NRG3: variants seen among roughly 807,000 people sequenced by gnomAD.
NRG3 encodes the protein neuregulin 3.
In NRG3, 31 loss-of-function variants were observed where a neutral mutation model predicts 66.9. The ratio of observed to expected loss-of-function variants is 0.46; its 90% CI spans 0.35 to 0.63. The LOEUF (loss-of-function observed/expected upper bound fraction) is 0.63. NRG3 is among the 20% of genes least tolerant of loss of function. The pLI is 0.00. For missense variants in NRG3, 910 were observed against 878.9 expected (o/e 1.04, Z -0.45); for synonymous variants, 393 against 359.4 (o/e 1.09, Z -1.06).
chr10:82,891,210 T>A (rs894264354), intron 4 of NRG3, among the ~76,000 whole-genome samples: 4 of 151,590 alleles, frequency 2.6e-5, no homozygotes, highest in Non-Finnish European at 5.9e-5. Context: ...AATCTATAGA[T>A]GAGTTTGAAA....
Position 82,332,578 on chromosome 10 carries a change from CT to C in NRG3, c.824-26160del, listed in dbSNP as rs566831691. 3.9e-5 allele frequency among the ~76,000 whole-genome samples: 6 copies of C among 152,226 alleles called. No individual in the cohort carries two copies. In the South Asian group the frequency reaches 1.2e-3, roughly 32 times the overall value. On this transcript the variant is annotated intron_variant, in intron 1 of 8. Transcript: ENST00000372141. ...TTGTAATAATGGGGGATCCACCACC[CT>C]ACATGGCAGCCCTATGGTTAGATTT...
At chr10:82,693,134 A>G (rs549662972) in intron 2 of NRG3, among the ~76,000 whole-genome samples, 1 of 152,262 alleles carries the variant, frequency 6.6e-6, no homozygotes, top group East Asian at 1.9e-4. Context: ...AATTAGCCAC[A>G]TTCTACTTTG....
At chr10:82,208,577 A>T (rs2075244871) in intron 1 of NRG3, among the ~76,000 whole-genome samples, 1 of 152,024 alleles carries the variant, frequency 6.6e-6, no homozygotes, top group African/African-American at 2.4e-5. Context: ...ACAATGTTTG[A>T]GGAGCTCTGT....
intron 1 of NRG3, chr10:82,225,668 A>G (rs1364290845): frequency 6.6e-6 from 1 of 152,170 alleles, no homozygotes; most frequent in Non-Finnish European, 1.5e-5. Flanking sequence ...GAAAGAGATA[A>G]CTCATGTCCC....
chr10:82,609,674 A>G (rs767723112), intron 2 of NRG3, among the ~76,000 whole-genome samples: 11 of 152,136 alleles, frequency 7.2e-5, no homozygotes, highest in Non-Finnish European at 1.5e-4. Flanking sequence ...TGGTAATAGA[A>G]TTTTCATGAT....
chr10:82,194,686 T>C (rs1476674403), intron 1 of NRG3, among the ~76,000 whole-genome samples: 1 of 152,130 alleles, frequency 6.6e-6, no homozygotes, highest in African/African-American at 2.4e-5. Context: ...AGGGCACCGG[T>C]GGGAGGACTC....
intron 1 of NRG3, among the ~76,000 whole-genome samples, chr10:82,243,314 T>G (rs1227484034): frequency 6.6e-6 from 1 of 152,142 alleles, no homozygotes; most frequent in African/African-American, 2.4e-5. Flanking sequence ...AACATGATCA[T>G]TACTGATAAC....
intron 2 of NRG3, among the ~76,000 whole-genome samples, chr10:82,733,793 G>T (rs763411230): frequency 1.3e-5 from 2 of 152,186 alleles, no homozygotes; most frequent in Non-Finnish European, 2.9e-5. Flanking sequence ...TAAGGAGGCT[G>T]TTGATTACAA....
chr10:82,538,454 T>C (rs1048575069), intron 2 of NRG3, among the ~76,000 whole-genome samples: 3 of 152,196 alleles, frequency 2.0e-5, no homozygotes, highest in African/African-American at 7.2e-5. Context: ...GAGTTCTGTC[T>C]GCTTTTCCTT....
intron 1 of NRG3, among the ~76,000 whole-genome samples, chr10:82,291,338 TAAA>T (rs2079734936): frequency 6.6e-6 from 1 of 152,056 alleles, no homozygotes; most frequent in African/African-American, 2.4e-5. Flanking sequence ...ACAAAAGAAA[TAAA>T]AAACATCTTA....
Position 82,348,620 on chromosome 10 carries a change from G to T in NRG3, c.824-10119G>T, listed in dbSNP as rs1371030321. 4.1e-5 allele frequency among the ~76,000 whole-genome samples: 6 copies of T among 146,820 alleles called. No homozygotes were observed. In the East Asian group the frequency reaches 8.1e-4, roughly 20 times the overall value. ...CTGAATCTGAACGTTGGCCTGCCTT[G>T]CTAGATTGGGGAAGTTCTCCTGGAT... On this transcript the variant is annotated intron_variant, in intron 1 of 8. Coordinates refer to ENST00000372141, the MANE Select transcript of NRG3 (RefSeq NM_001010848.4).
At chr10:82,783,900 G>A (rs1267940940) in intron 3 of NRG3, among the ~76,000 whole-genome samples, 3 of 151,986 alleles carry the variant, frequency 2.0e-5, no homozygotes, top group African/African-American at 4.8e-5. Context: ...GCATCGCCAA[G>A]TCAATCCTAA....
intron 1 of NRG3, among the ~76,000 whole-genome samples, chr10:82,090,147 C>A (rs1322338749): frequency 2.0e-5 from 3 of 152,206 alleles, no homozygotes; most frequent in Non-Finnish European, 4.4e-5. Context: ...CGTTACCATG[C>A]AGATTGCTAT....
At chr10:82,798,169 C>G (rs1477509925) in intron 3 of NRG3, among the ~76,000 whole-genome samples, 2 of 151,950 alleles carry the variant, frequency 1.3e-5, no homozygotes, top group Non-Finnish European at 2.9e-5. Context: ...TGTAACATCA[C>G]AAAACCCACA....
At chr10:81,908,064 T>C (rs1844762222) in intron 1 of NRG3, among the ~76,000 whole-genome samples, 1 of 152,224 alleles carries the variant, frequency 6.6e-6, no homozygotes, top group South Asian at 2.1e-4. Context: ...CAGACTGATC[T>C]GCGCTCTCAT....
intron 3 of NRG3, among the ~76,000 whole-genome samples, chr10:82,768,605 A>T (rs537376995): frequency 4.6e-5 from 7 of 152,108 alleles, no homozygotes; most frequent in African/African-American, 1.7e-4. Context: ...AAAACAGATA[A>T]AATATTTGTC....
At chr10:82,506,277 T>C (rs1242995278) in intron 2 of NRG3, among the ~76,000 whole-genome samples, 1 of 152,086 alleles carries the variant, frequency 6.6e-6, no homozygotes, top group Admixed American at 6.5e-5. Flanking sequence ...AACAAGAGAC[T>C]TTGCGAGGAA....
chr10:82,646,336 C>G (rs1273473814), intron 2 of NRG3, among the ~76,000 whole-genome samples: 3 of 152,166 alleles, frequency 2.0e-5, no homozygotes, highest in African/African-American at 7.2e-5. Context: ...CATTTGCACT[C>G]AGCCATTTCT....
At chr10:81,900,583 C>T (rs1424061731) in intron 1 of NRG3, among the ~76,000 whole-genome samples, 1 of 152,154 alleles carries the variant, frequency 6.6e-6, no homozygotes, top group Admixed American at 6.5e-5. Flanking sequence ...GCCACAGTCA[C>T]TGAAAATTTC....
Sources: allele counts gnomAD v4.1 joint callset (sites outside exome capture counted in the v4.1 genomes callset), GRCh38; gene constraint gnomAD v4.1.1; transcripts MANE v1.5; gene names NCBI Gene and HGNC (gene_info 2026-07-23, HGNC 2026-07-21).